Variants in MYO3A observed in about 807,000 individuals in gnomAD.
MYO3A encodes the protein myosin-IIIa.
A neutral mutation model predicts 192.7 loss-of-function variants in MYO3A; 180 were observed. That is an observed-to-expected ratio of 0.93 (90% CI 0.83 to 1.06). MYO3A has a LOEUF of 1.06. MYO3A is among the 50% of genes least tolerant of loss of function. The pLI, the probability that MYO3A is intolerant of heterozygous loss-of-function variation, is 0.00. For synonymous variants in MYO3A, 628 were observed against 645.3 expected (o/e 0.97, Z 0.41); for missense variants, 1,896 against 1,905.0 (o/e 1.00, Z 0.09).
intron 14 of MYO3A, among the ~76,000 whole-genome samples, chr10:26,078,130 C>CTTTTTTTTTTTTTTTTTTTTTTT (rs57336459): frequency 4.1e-5 from 5 of 122,296 alleles, no homozygotes; most frequent in Admixed American, 1.6e-4. Flanking sequence ...TGGTCCTGGA[C>CTTTTTTTTTTTTTTTTTTTTTTT]TTTTTTTTTT....
chr10:26,089,516 G>T (rs1175661678), intron 15 of MYO3A, among the ~76,000 whole-genome samples: 1 of 151,878 alleles, frequency 6.6e-6, no homozygotes, highest in Non-Finnish European at 1.5e-5. Context: ...GAGGAGAATG[G>T]CGTGAACCCA....
intron 30 of MYO3A, among the ~76,000 whole-genome samples, chr10:26,175,284 G>A (rs1486213188): frequency 3.3e-5 from 5 of 152,108 alleles, no homozygotes; most frequent in Non-Finnish European, 2.9e-5. Context: ...CGCAAGAACC[G>A]GCTTCTGTAA....
intron 8 of MYO3A, chr10:26,021,891 T>G: frequency 1.9e-6 from 1 of 517,992 alleles, no homozygotes; most frequent in East Asian, 3.8e-5. Flanking sequence ...TTGCTAGGAT[T>G]TGATTTCAGA....
chr10:26,040,838 C>T (rs377043703), intron 10 of MYO3A, among the ~76,000 whole-genome samples: 4 of 152,138 alleles, frequency 2.6e-5, no homozygotes, highest in Admixed American at 1.3e-4. Flanking sequence ...GAGAATTACC[C>T]ATGTGCTGAG....
intron 4 of MYO3A, among the ~76,000 whole-genome samples, chr10:25,980,852 A>T (rs1396724380): frequency 6.6e-6 from 1 of 152,220 alleles, no homozygotes; most frequent in African/African-American, 2.4e-5. Context: ...ATACATTATT[A>T]TTAACCAAAA....
At chr10:26,139,128 A>G (rs1247351297) in intron 20 of MYO3A, among the ~76,000 whole-genome samples, 1 of 152,240 alleles carries the variant, frequency 6.6e-6, no homozygotes, top group African/African-American at 2.4e-5. Flanking sequence ...AGTATGTGCT[A>G]AGCATGTATC....
At chr10:26,012,029 G>A (rs1185606307) in intron 6 of MYO3A, among the ~76,000 whole-genome samples, 3 of 152,082 alleles carry the variant, frequency 2.0e-5, no homozygotes, top group African/African-American at 2.4e-5. Context: ...TGCAGAAAAA[G>A]CATTTAACAG....
chr10:26,051,598 T>A (rs1433323564), intron 10 of MYO3A, among the ~76,000 whole-genome samples: 5 of 148,232 alleles, frequency 3.4e-5, no homozygotes, highest in Admixed American at 6.8e-5. Context: ...ATAGTATATA[T>A]AAAACATTAT....
chr10:26,003,317 G>A (rs577754731), intron 6 of MYO3A, among the ~76,000 whole-genome samples: 1 of 152,194 alleles, frequency 6.6e-6, no homozygotes, highest in South Asian at 2.1e-4. Flanking sequence ...GCTAAATAAT[G>A]AAAATCTGAG....
intron 4 of MYO3A, among the ~76,000 whole-genome samples, chr10:25,981,292 A>T (rs921259928): frequency 2.6e-5 from 4 of 152,184 alleles, no homozygotes; most frequent in Non-Finnish European, 4.4e-5. Context: ...CACACTATAT[A>T]CAAAAATTAA....
Position 26,117,084 on chromosome 10 carries a change from T to TA in MYO3A, c.1777-3591dup, listed in dbSNP as rs140977154. On this transcript the variant is annotated intron_variant, in intron 17 of 34. Coordinates refer to ENST00000642920, the MANE Select transcript of MYO3A (RefSeq NM_017433.5). ...ATTCCCCTGGGCATATTTCAGGTGT[T>TA]ACTCCTACTCAATTTTCATTATAAC... Among the ~76,000 whole-genome samples, 1,327 of 152,322 alleles carry TA rather than the reference T, an allele frequency of 8.7e-3. 16 individuals are homozygous for TA. The highest frequency in any genetic ancestry group is 0.029 in the African/African-American group (1,209 of 41,568).
At chr10:26,087,738 T>A (rs1246980320) in intron 14 of MYO3A, among the ~76,000 whole-genome samples, 1 of 152,244 alleles carries the variant, frequency 6.6e-6, no homozygotes, top group Admixed American at 6.5e-5. Context: ...TGAGCTGTTC[T>A]CAGTTTTCAC....
At chr10:25,969,759 T>C (rs1463372162) in intron 4 of MYO3A, among the ~76,000 whole-genome samples, 1 of 152,148 alleles carries the variant, frequency 6.6e-6, no homozygotes, top group Non-Finnish European at 1.5e-5. Flanking sequence ...GACTATACAA[T>C]TTAAAGGCAG....
intron 10 of MYO3A, among the ~76,000 whole-genome samples, chr10:26,063,547 T>A (rs563660115): frequency 2.6e-5 from 4 of 152,340 alleles, no homozygotes; most frequent in African/African-American, 9.6e-5. Context: ...GCACCATATG[T>A]TGAAAAGATA....
chr10:26,123,088 A>C (rs916598085), intron 18 of MYO3A, among the ~76,000 whole-genome samples: 1 of 152,234 alleles, frequency 6.6e-6, no homozygotes, highest in African/African-American at 2.4e-5. Flanking sequence ...TTCCAAACAC[A>C]CATAAATTTA....
In MYO3A at chr10:26,021,903, A is replaced by G. The variant is rs1013395408; in HGVS notation, c.731+255A>G. 4.5e-5 allele frequency: 22 copies of G among 484,096 alleles called. 1 individual carries two copies. Among genetic ancestry groups the G allele is most frequent in the African/African-American group, 3.9e-4 (20 of 51,126 alleles). The allele number at this position is 484,096 out of a possible 1,614,324, so 30.0% of individuals were successfully genotyped here. A position where few individuals can be genotyped will look rare whatever the true frequency, so the allele number is the denominator to read the frequency against. On this transcript the variant is annotated intron_variant, in intron 8 of 34. Transcript: ENST00000642920. ...CTTTTGCTAGGATTTGATTTCAGAAAATAGCAGTTCCTCCCACCCTTTATC... is the reference window on the plus strand; with the variant it reads ...CTTTTGCTAGGATTTGATTTCAGAAGATAGCAGTTCCTCCCACCCTTTATC...
chr10:25,943,440 T>G (rs906620761), intron 2 of MYO3A, among the ~76,000 whole-genome samples: 2 of 152,122 alleles, frequency 1.3e-5, no homozygotes, highest in South Asian at 4.1e-4. Context: ...TGCTAACAAT[T>G]GCATTGAATT....
intron 10 of MYO3A, among the ~76,000 whole-genome samples, chr10:26,063,093 G>T (rs960689008): frequency 6.6e-6 from 1 of 152,132 alleles, no homozygotes; most frequent in Admixed American, 6.5e-5. Context: ...CCAGGGTCCA[G>T]TGGAGGGAAA....
intron 14 of MYO3A, among the ~76,000 whole-genome samples, chr10:26,075,427 C>T (rs1835470192): frequency 1.3e-5 from 2 of 151,480 alleles, no homozygotes; most frequent in African/African-American, 4.8e-5. Context: ...CCTTGCCCTG[C>T]TCCAGTTCTT....
Sources: allele counts gnomAD v4.1 joint callset (sites outside exome capture counted in the v4.1 genomes callset), GRCh38; gene constraint gnomAD v4.1.1; transcripts MANE v1.5; gene names NCBI Gene and HGNC (gene_info 2026-07-23, HGNC 2026-07-21).